Variants in MAP3K5 observed in about 807,000 individuals in gnomAD.
The protein encoded by MAP3K5 is mitogen-activated protein kinase kinase kinase 5, also known as ASK-1.
In MAP3K5, 56 loss-of-function variants were observed where a neutral mutation model predicts 158.7. The ratio of observed to expected loss-of-function variants is 0.35; its 90% CI spans 0.28 to 0.44. The LOEUF (loss-of-function observed/expected upper bound fraction) is 0.44, where lower values mean the gene tolerates loss of function less well. MAP3K5 is among the 20% of genes least tolerant of loss of function. MAP3K5 has a pLI of 1.00. For synonymous variants in MAP3K5, 579 were observed against 601.7 expected, an observed-to-expected ratio of 0.96 and a Z score of 0.55; for missense variants, 1,294 against 1,674.8, an observed-to-expected ratio of 0.77 and a Z score of 3.97.
At chr6:136,723,464 C>T (rs567335510) in intron 1 of MAP3K5, among the ~76,000 whole-genome samples, 1 of 152,164 alleles carries the variant, frequency 6.6e-6, no homozygotes, top group East Asian at 1.9e-4. Context: ...AAAAGTTGTA[C>T]ACCAACTTTT....
intron 6 of MAP3K5, 120 bp downstream of exon 6, chr6:136,695,831 C>T (rs1780579591): frequency 5.5e-6 from 3 of 542,282 alleles, no homozygotes; most frequent in Admixed American, 7.1e-5. Context: ...AGCAGATATG[C>T]TAATATTACA....
At chr6:136,789,560 T>C (rs2115072878) in intron 1 of MAP3K5, among the ~76,000 whole-genome samples, 1 of 151,760 alleles carries the variant, frequency 6.6e-6, no homozygotes, top group African/African-American at 2.4e-5. Context: ...CACACCTAAA[T>C]GCCTGGTAAG....
chr6:136,713,404 C>T (rs911181), intron 2 of MAP3K5, among the ~76,000 whole-genome samples: 151,924 of 152,328 alleles, frequency 1, 75,761 homozygotes, highest in Middle Eastern at 1. Context: ...GCATATTTTA[C>T]CCAGTCTATA....
At chr6:136,596,548 C>A (rs189834704) in intron 21 of MAP3K5, among the ~76,000 whole-genome samples, 1 of 152,000 alleles carries the variant, frequency 6.6e-6, no homozygotes, top group East Asian at 1.9e-4. Flanking sequence ...AGGGGAAGGA[C>A]GGGTTTAGGA....
intron 25 of MAP3K5, among the ~76,000 whole-genome samples, chr6:136,572,813 T>C (rs1774430459): frequency 6.6e-6 from 1 of 152,170 alleles, no homozygotes; most frequent in African/African-American, 2.4e-5. Context: ...CATTGTAAAA[T>C]ATGCAAATGA....
chr6:136,564,768 A>C (rs942812481), intron 26 of MAP3K5, among the ~76,000 whole-genome samples: 1 of 152,246 alleles, frequency 6.6e-6, no homozygotes, highest in South Asian at 2.1e-4. Flanking sequence ...TGGACAAACT[A>C]TAACTTAACA....
In MAP3K5 at chr6:136,580,266, A is replaced by G. The variant is rs200432227; in HGVS notation, c.3517+35T>C. On this transcript the variant is annotated intron_variant, in intron 25 of 29. Transcript: ENST00000359015. ...GAACAGTAATCTAAAATATCCAAGC[A>G]CTAAATATGTGCAGAGTAATTAAAT... The G allele has an allele frequency of 3.7e-6, 5 of 1,348,086 alleles. No individual in the cohort carries two copies. In the Admixed American group the frequency reaches 8.4e-5, roughly 23 times the overall value. The allele number at this position is 1,348,086 out of a possible 1,614,324, so 83.5% of individuals were successfully genotyped here.
chr6:136,691,609 CAAAA>C (rs540437204), intron 7 of MAP3K5, among the ~76,000 whole-genome samples: 2 of 117,832 alleles, frequency 1.7e-5, no homozygotes, highest in African/African-American at 2.7e-5. Flanking sequence ...AGATTCGTCT[CAAAA>C]AAAAAAAAAA....
chr6:136,755,308 G>A (rs1204639095), intron 1 of MAP3K5, among the ~76,000 whole-genome samples: 3 of 151,700 alleles, frequency 2.0e-5, no homozygotes, highest in East Asian at 1.9e-4. Context: ...CCCTGTTTCC[G>A]CCACCCCAAG....
Position 136,609,666 on chromosome 6 carries a change from T to C in MAP3K5, c.2521+1616A>G, listed in dbSNP as rs1341243139. Among the ~76,000 whole-genome samples the C allele has an allele frequency of 1.3e-5, 2 of 151,070 alleles. No individual in the cohort carries two copies. The highest frequency in any genetic ancestry group is 1.9e-4 in the East Asian group (1 of 5,132). On this transcript the variant is annotated intron_variant, in intron 18 of 29. Transcript: ENST00000359015. This position sits in a 1 kb window ranked among gnomAD's most constrained non-coding sequence, Gnocchi z 4.4. ...AAAATTAGCCAGGCATGGAGGTGCG[T>C]GCCTATGGTCCCAGCTACTAGGGAG...
intron 20 of MAP3K5, 142 bp downstream of exon 20, chr6:136,601,660 T>A (rs1775880912): frequency 1.4e-6 from 1 of 718,382 alleles, no homozygotes; most frequent in Non-Finnish European, 2.2e-6. Context: ...TGCAACCAAA[T>A]GCCTGAGAAC....
intron 18 of MAP3K5, among the ~76,000 whole-genome samples, chr6:136,608,801 T>A (rs1441420530): frequency 6.6e-6 from 1 of 152,184 alleles, no homozygotes; most frequent in Admixed American, 6.5e-5. Flanking sequence ...CAGAGCAAGG[T>A]AACACAGTAA....
intron 25 of MAP3K5, among the ~76,000 whole-genome samples, chr6:136,579,187 C>G (rs1478816361): frequency 6.6e-6 from 1 of 152,100 alleles, no homozygotes; most frequent in East Asian, 1.9e-4. Context: ...GTCAACTGCT[C>G]TTTCTTTCTA....
At chr6:136,697,448 A>G (rs934317690) in intron 4 of MAP3K5, 61 bp from the exon 5 acceptor site, 2 of 1,366,114 alleles carry the variant, frequency 1.5e-6, no homozygotes, top group African/African-American at 1.4e-5. Context: ...ATGAAAAGCA[A>G]TAATTTTAAT....
At position 136,712,637 on chromosome 6, in the gene MAP3K5, T is replaced by C. The variant is rs77467360; in HGVS notation, c.589-7504A>G. Among the ~76,000 whole-genome samples the C allele has an allele frequency of 7.4e-3, 1,121 of 152,342 alleles. 15 individuals are homozygous for C. The highest frequency in any genetic ancestry group is 0.026 in the African/African-American group (1,083 of 41,572). Reference sequence around the variant, plus strand: ...TTAAAGTTGGAGGTATAGTGAATTTTTCTACAGTAAATCATACTTTACACA... The same window carrying C: ...TTAAAGTTGGAGGTATAGTGAATTTCTCTACAGTAAATCATACTTTACACA... On this transcript the variant is annotated intron_variant, in intron 2 of 29. Transcript: ENST00000359015.
intron 21 of MAP3K5, 36 bp from the exon 22 acceptor site, chr6:136,592,650 A>G (rs1289928431): frequency 6.4e-6 from 10 of 1,574,290 alleles, no homozygotes; most frequent in African/African-American, 1.3e-5. Context: ...GATAATTGAC[A>G]CTTTAAAAAA....
chr6:136,673,069 T>C (rs952003852), intron 7 of MAP3K5, among the ~76,000 whole-genome samples: 1 of 150,652 alleles, frequency 6.6e-6, no homozygotes, highest in African/African-American at 2.4e-5. Context: ...AACACAAAAC[T>C]CTCAAGGACA....
intron 15 of MAP3K5, among the ~76,000 whole-genome samples, chr6:136,619,925 A>G (rs886685910): frequency 6.6e-6 from 1 of 152,220 alleles, no homozygotes; most frequent in Non-Finnish European, 1.5e-5. Flanking sequence ...ATGGGGAGAC[A>G]GTAACTGATA....
At position 136,772,147 on chromosome 6, in the gene MAP3K5, C is replaced by T. The variant is rs370532436; in HGVS notation, c.448+19563G>A. Reference sequence around the variant, plus strand: ...GGCCAGGCTGGTCTCGAACTCCCAACCTCAGGTGATCTGCGCCCCTCGGCC... The same window carrying T: ...GGCCAGGCTGGTCTCGAACTCCCAATCTCAGGTGATCTGCGCCCCTCGGCC... On this transcript the variant is annotated intron_variant, in intron 1 of 29. Coordinates refer to ENST00000359015, the MANE Select transcript of MAP3K5 (RefSeq NM_005923.4). Among the ~76,000 whole-genome samples the T allele has an allele frequency of 2.3e-4, 35 of 150,014 alleles. 2 individuals are homozygous for T. The highest frequency in any genetic ancestry group is 1.0e-3 in the Admixed American group (15 of 15,070).
Sources: gnomAD v4.1 joint callset for allele counts (sites outside exome capture counted in the v4.1 genomes callset) on GRCh38, gnomAD v4.1.1 for gene constraint, Gnocchi (gnomAD v3.1) non-coding constraint, MANE v1.5 for transcripts, NCBI Gene and HGNC (gene_info 2026-07-23, HGNC 2026-07-21) for gene names.